The following TMEM135 variants were observed in gnomAD, a reference collection of about 807,000 sequenced individuals.
The protein encoded by TMEM135 is transmembrane protein 135.
In TMEM135, 30 loss-of-function variants were observed where a neutral mutation model predicts 60.3. The observed-to-expected ratio is 0.50, with a 90% CI of 0.37 to 0.68. TMEM135 has a LOEUF of 0.68. Among genes scored for constraint, TMEM135 ranks in the 30% least tolerant of loss-of-function variants. The probability of loss-of-function intolerance (pLI) is 0.00; values close to 1 mark genes in which losing one functional copy is unlikely to be tolerated. For synonymous variants in TMEM135, 190 were observed against 186.7 expected (o/e 1.02, Z -0.14); for missense variants, 468 against 548.8 (o/e 0.85, Z 1.47).
chr11:87,038,734 G>A (rs765117273), intron 1 of TMEM135, among the ~76,000 whole-genome samples: 9 of 150,700 alleles, frequency 6.0e-5, no homozygotes, highest in Non-Finnish European at 1.3e-4. Context: ...GTTTTTGCAA[G>A]TTCACAGAAC....
chr11:87,040,523 G>A (rs1441979084), intron 1 of TMEM135, among the ~76,000 whole-genome samples: 1 of 152,150 alleles, frequency 6.6e-6, no homozygotes, highest in African/African-American at 2.4e-5. Context: ...TTAGCTGGGC[G>A]TGGTGGCACA....
At chr11:87,167,410 C>T (rs1591071588) in intron 5 of TMEM135, among the ~76,000 whole-genome samples, 1 of 152,218 alleles carries the variant, frequency 6.6e-6, no homozygotes, top group Non-Finnish European at 1.5e-5. Context: ...ATGCTTCCAG[C>T]TTTTGCCCAG....
At chr11:87,214,124 G>C (rs868208747) in intron 5 of TMEM135, among the ~76,000 whole-genome samples, 2 of 152,164 alleles carry the variant, frequency 1.3e-5, no homozygotes, top group African/African-American at 4.8e-5. Flanking sequence ...GCTGACTTTA[G>C]TGTTTTTCTG....
At chr11:87,058,176 G>T (rs982144489) in intron 1 of TMEM135, among the ~76,000 whole-genome samples, 1 of 152,118 alleles carries the variant, frequency 6.6e-6, no homozygotes, top group Non-Finnish European at 1.5e-5. Context: ...TGATTCAAAT[G>T]TTAATCTCAC....
At chr11:87,171,324 C>T (rs1939230578) in intron 5 of TMEM135, among the ~76,000 whole-genome samples, 1 of 142,664 alleles carries the variant, frequency 7.0e-6, no homozygotes, top group East Asian at 2.4e-4. Context: ...ATTTCAGGTT[C>T]AAGACAGTGT....
chr11:87,205,230 A>G (rs943608614), intron 5 of TMEM135, among the ~76,000 whole-genome samples: 26 of 152,228 alleles, frequency 1.7e-4, no homozygotes, highest in Admixed American at 6.5e-5. Flanking sequence ...ACATGGGAGC[A>G]TGATTGAAAC....
At position 87,326,911 on chromosome 11, in the gene TMEM135, CTTTTTT is replaced by C; in HGVS notation, c.*5592_*5597del. On this transcript the variant is annotated 3_prime_UTR_variant, in exon 15 of 15. Coordinates refer to ENST00000305494, the MANE Select transcript of TMEM135 (RefSeq NM_022918.4). ...AGGCATCATTGAATCATCTGAGGAC[CTTTTTT>C]TTTTTTTTTTTTTCACTAAAACGCT... The C allele has an allele frequency of 5.1e-5, 20 of 391,550 alleles. No homozygotes were observed. The highest frequency in any genetic ancestry group is 1.8e-4 in the South Asian group (10 of 55,114). The allele number at this position is 391,550 out of a possible 1,614,324, so 24.3% of individuals were successfully genotyped here. A position where few individuals can be genotyped will look rare whatever the true frequency, so the allele number is the denominator to read the frequency against.
At chr11:87,249,754 C>T (rs1565502681) in intron 6 of TMEM135, among the ~76,000 whole-genome samples, 1 of 152,100 alleles carries the variant, frequency 6.6e-6, no homozygotes, top group Non-Finnish European at 1.5e-5. Context: ...CAGTGTTCAT[C>T]AGATATATTG....
intron 5 of TMEM135, among the ~76,000 whole-genome samples, chr11:87,227,573 G>C (rs573932101): frequency 1.3e-5 from 2 of 152,122 alleles, no homozygotes; most frequent in South Asian, 4.1e-4. Flanking sequence ...AAAATGGACT[G>C]TATATTATGG....
At chr11:87,207,223 C>A (rs1020252145) in intron 5 of TMEM135, among the ~76,000 whole-genome samples, 3 of 152,154 alleles carry the variant, frequency 2.0e-5, no homozygotes, top group African/African-American at 4.8e-5. Flanking sequence ...TGCTTTAGGA[C>A]TTTGGGTTCT....
intron 5 of TMEM135, among the ~76,000 whole-genome samples, chr11:87,212,824 GAAAAAAAAAAA>G (rs60084755): frequency 5.7e-5 from 6 of 105,544 alleles, no homozygotes; most frequent in African/African-American, 2.0e-4. Context: ...CCTGATTTTG[GAAAAAAAAAAA>G]AAAAAAAGAA....
intron 4 of TMEM135, among the ~76,000 whole-genome samples, chr11:87,150,918 C>T (rs1214696611): frequency 6.6e-6 from 1 of 152,014 alleles, no homozygotes; most frequent in African/African-American, 2.4e-5. Flanking sequence ...ATCTTTAGAT[C>T]TTGCAAATCT....
In TMEM135 at chr11:87,071,674, A is replaced by ATT. The variant is rs5793233; in HGVS notation, c.362+71_362+72dup. 8,166 of 1,101,284 alleles carry ATT rather than the reference A, an allele frequency of 7.4e-3. 6 individuals are homozygous for ATT. The highest frequency in any genetic ancestry group is 8.6e-3 in the Non-Finnish European group (6,720 of 777,388). 68.2% of individuals were successfully genotyped at this position (1,101,284 alleles called of 1,614,324 possible). A position where few individuals can be genotyped will look rare whatever the true frequency, so the allele number is the denominator to read the frequency against. ...TTACCTGTCCCCTACCCCAACTATA[A>ATT]TTTTTTTTTTTTTAATTATCACTTA... is the stretch of plus-strand genomic sequence containing the variant. On this transcript the variant is annotated intron_variant, in intron 3 of 14. Coordinates refer to ENST00000305494, the MANE Select transcript of TMEM135 (RefSeq NM_022918.4).
At chr11:87,045,866 A>G (rs1382328088) in intron 1 of TMEM135, among the ~76,000 whole-genome samples, 1 of 152,194 alleles carries the variant, frequency 6.6e-6, no homozygotes, top group African/African-American at 2.4e-5. Flanking sequence ...GTATTGAAAT[A>G]TTTGTCCCCT....
intron 4 of TMEM135, among the ~76,000 whole-genome samples, chr11:87,121,901 A>G (rs1468964280): frequency 1.3e-5 from 2 of 152,152 alleles, no homozygotes; most frequent in African/African-American, 2.4e-5. Flanking sequence ...AAGCCTCCCA[A>G]TGTGCTGGGA....
Position 87,321,793 on chromosome 11 carries a change from G to A in TMEM135, c.*460G>A, listed in dbSNP as rs1210090264. ...TATATTTTTTTAAAGTTTTGAATTG[G>A]TATCTGTAGTAGTGGAATGTTATAG... On this transcript the variant is annotated 3_prime_UTR_variant, in exon 15 of 15. Coordinates refer to ENST00000305494, the MANE Select transcript of TMEM135 (RefSeq NM_022918.4). 1 of 454,456 alleles carries A rather than the reference G, an allele frequency of 2.2e-6. No individual in the cohort carries two copies. The highest frequency in any genetic ancestry group is 1.6e-5 in the South Asian group (1 of 64,480). The allele number at this position is 454,456 out of a possible 1,614,324, so 28.2% of individuals were successfully genotyped here.
intron 6 of TMEM135, among the ~76,000 whole-genome samples, chr11:87,247,213 G>T (rs541038065): frequency 6.7e-4 from 102 of 152,280 alleles, no homozygotes; most frequent in African/African-American, 2.2e-3. Context: ...TCCTCTGGAA[G>T]TTTTGTCTCA....
intron 5 of TMEM135, among the ~76,000 whole-genome samples, chr11:87,200,805 T>C (rs1372235192): frequency 4.6e-5 from 7 of 152,196 alleles, no homozygotes; most frequent in Non-Finnish European, 8.8e-5. Flanking sequence ...CTGAAAACCA[T>C]TGATCTTTTC....
intron 4 of TMEM135, among the ~76,000 whole-genome samples, chr11:87,118,625 T>G (rs958459522): frequency 6.6e-6 from 1 of 152,086 alleles, no homozygotes; most frequent in African/African-American, 2.4e-5. Context: ...ATTTTTTGTA[T>G]TTTTAGTACA....
Sources: allele counts gnomAD v4.1 joint callset (sites outside exome capture counted in the v4.1 genomes callset), GRCh38; gene constraint gnomAD v4.1.1; transcripts MANE v1.5; gene names NCBI Gene and HGNC (gene_info 2026-07-23, HGNC 2026-07-21).